NPSR1: variants seen among roughly 807,000 people sequenced by gnomAD.
The protein encoded by NPSR1 is neuropeptide S receptor.
In NPSR1, 48 loss-of-function variants were observed where a neutral mutation model predicts 46.9. The ratio of observed to expected loss-of-function variants is 1.02; its 90% CI spans 0.81 to 1.30. The LOEUF (loss-of-function observed/expected upper bound fraction) is 1.30, where lower values mean the gene tolerates loss of function less well. Ranked by LOEUF, NPSR1 falls within the 50% of genes most tolerant of loss-of-function variation. The pLI is 0.00. For synonymous variants in NPSR1, 176 were observed against 168.1 expected (o/e 1.05, Z -0.36); for missense variants, 450 against 449.5 (o/e 1.00, Z -0.01).
intron 5 of NPSR1, among the ~76,000 whole-genome samples, chr7:34,832,695 G>A (rs1424461460): frequency 6.6e-6 from 1 of 152,158 alleles, no homozygotes; most frequent in Admixed American, 6.5e-5. Flanking sequence ...GGGTGACTTA[G>A]GCCCAAATCC....
At position 34,715,689 on chromosome 7, in the gene NPSR1, T is replaced by A. The variant is rs113536917; in HGVS notation, c.280+31005T>A. On this transcript the variant is annotated intron_variant, in intron 2 of 8. Coordinates refer to ENST00000360581, the MANE Select transcript of NPSR1 (RefSeq NM_207172.2). ...GTCCTCAGATCAAAGCAGCCCTGAA[T>A]ACAAAATAGCTGTATTTGGAGCTTG... is the stretch of plus-strand genomic sequence containing the variant. 6.6e-5 allele frequency among the ~76,000 whole-genome samples: 10 copies of A among 152,322 alleles called. 1 individual carries two copies. Among genetic ancestry groups the A allele is most frequent in the African/African-American group, 2.4e-4 (10 of 41,582 alleles).
At chr7:34,751,458 G>T in intron 2 of NPSR1, 1 of 1,133,218 alleles carries the variant, frequency 8.8e-7, no homozygotes, top group Non-Finnish European at 1.4e-6. Context: ...GTTCCATCTT[G>T]CAGAAGCCGC....
intron 3 of NPSR1, among the ~76,000 whole-genome samples, chr7:34,790,724 T>TTCTATGTTATATGTTATATATAATA (rs1562729228): frequency 1.8e-5 from 2 of 112,820 alleles, no homozygotes; most frequent in African/African-American, 6.8e-5. Context: ...ATAATATATG[T>TTCTATGTTATATGTTATATATAATA]TATATGTTAT....
At chr7:34,751,340 T>C (rs13222249) in intron 2 of NPSR1, 359,582 of 991,258 alleles carry the variant, frequency 0.36, 70,149 homozygotes, top group Non-Finnish European at 0.41. Flanking sequence ...TTGCCAAGGG[T>C]AGGTGAAGCA....
downstream of NPSR1, among the ~76,000 whole-genome samples, chr7:34,853,058 C>G (rs1367943881): frequency 6.6e-6 from 1 of 152,168 alleles, no homozygotes; most frequent in Non-Finnish European, 1.5e-5. Context: ...TTTTTAATGA[C>G]TTTCATTTGT....
At chr7:34,760,421 G>A (rs959628141) in intron 2 of NPSR1, among the ~76,000 whole-genome samples, 40 of 152,066 alleles carry the variant, frequency 2.6e-4, no homozygotes, top group African/African-American at 8.5e-4. Context: ...ATTTTACAAA[G>A]AGCCCTGGAT....
At chr7:34,690,916 C>T (rs542784566) in intron 2 of NPSR1, among the ~76,000 whole-genome samples, 11 of 152,156 alleles carry the variant, frequency 7.2e-5, no homozygotes, top group Admixed American at 2.6e-4. Context: ...ATCACCAAGA[C>T]GTATAGTCAT....
At chr7:34,717,816 A>G (rs915665100) in intron 2 of NPSR1, among the ~76,000 whole-genome samples, 7 of 152,212 alleles carry the variant, frequency 4.6e-5, no homozygotes, top group Non-Finnish European at 7.3e-5. Context: ...CTCCATCACC[A>G]AAGGCATTTT....
chr7:34,711,094 C>T (rs1239613752), intron 2 of NPSR1: 2 of 307,140 alleles, frequency 6.5e-6, no homozygotes, highest in Non-Finnish European at 6.5e-6. Flanking sequence ...AGCTTCTTCG[C>T]CTTTGTCAGA....
chr7:34,774,585 G>A (rs890365956), intron 2 of NPSR1, among the ~76,000 whole-genome samples: 2 of 152,192 alleles, frequency 1.3e-5, no homozygotes, highest in Non-Finnish European at 2.9e-5. Flanking sequence ...TTCTCAAAAG[G>A]TGTATAACTT....
downstream of NPSR1, among the ~76,000 whole-genome samples, chr7:34,851,208 T>TG (rs1790925062): frequency 6.6e-6 from 1 of 151,454 alleles, no homozygotes; most frequent in South Asian, 2.1e-4. Context: ...TTTGGCATAC[T>TG]GCTAGTGGAG....
At chr7:34,716,502 C>T (rs1783577579) in intron 2 of NPSR1, among the ~76,000 whole-genome samples, 1 of 150,348 alleles carries the variant, frequency 6.7e-6, no homozygotes, top group South Asian at 2.1e-4. Flanking sequence ...AAGTTAATTG[C>T]TTGACTTCTT....
intron 3 of NPSR1, among the ~76,000 whole-genome samples, chr7:34,802,886 C>A (rs1165907196): frequency 1.3e-5 from 2 of 150,202 alleles, no homozygotes. Flanking sequence ...AACAAACAAC[C>A]CCATCAAAAA....
At chr7:34,681,491 G>A (rs939657084) in intron 1 of NPSR1, among the ~76,000 whole-genome samples, 1 of 152,170 alleles carries the variant, frequency 6.6e-6, no homozygotes, top group Non-Finnish European at 1.5e-5. Context: ...TGTGGATTCA[G>A]TTTCTTCTCC....
intron 3 of NPSR1, among the ~76,000 whole-genome samples, chr7:34,790,911 A>ATATGT: frequency 7.5e-6 from 1 of 133,490 alleles, no homozygotes; most frequent in African/African-American, 2.8e-5. Context: ...ATGTTATATT[A>ATATGT]TATATCATAT....
intron 7 of NPSR1, 125 bp from the exon 8 acceptor site, chr7:34,848,358 C>T (rs1054595757): frequency 6.5e-6 from 5 of 767,188 alleles, no homozygotes; most frequent in African/African-American, 5.2e-5. Context: ...CAACATCAAA[C>T]TCCAATATTT....
chr7:34,686,960 CA>C (rs66886501), intron 2 of NPSR1, among the ~76,000 whole-genome samples: 26,739 of 93,748 alleles, frequency 0.29, 2,370 homozygotes, highest in African/African-American at 0.42. Context: ...GACTCCGTCT[CA>C]AAAAAAAAAA....
intron 1 of NPSR1, among the ~76,000 whole-genome samples, chr7:34,674,417 T>C (rs1227754640): frequency 6.6e-6 from 1 of 152,154 alleles, no homozygotes; most frequent in Non-Finnish European, 1.5e-5. Context: ...AGATTTTCAA[T>C]CTTTGCACTT....
chr7:34,747,751 T>G (rs1210730057), intron 2 of NPSR1, among the ~76,000 whole-genome samples: 1 of 152,250 alleles, frequency 6.6e-6, no homozygotes, highest in Non-Finnish European at 1.5e-5. Context: ...ATTAAGTTTT[T>G]GATATCCAGC....
Sources: gnomAD v4.1 joint callset for allele counts (sites outside exome capture counted in the v4.1 genomes callset) on GRCh38, gnomAD v4.1.1 for gene constraint, MANE v1.5 for transcripts, NCBI Gene and HGNC (gene_info 2026-07-23, HGNC 2026-07-21) for gene names.